The following ZFPM1 variants were observed in gnomAD, a reference collection of about 807,000 sequenced individuals.
ZFPM1 encodes zinc finger protein, FOG family member 1, also known as zinc finger protein ZFPM1.
In ZFPM1, 28 loss-of-function variants were observed where a neutral mutation model predicts 46.3. The ratio of observed to expected loss-of-function variants is 0.60; its 90% CI spans 0.45 to 0.83. ZFPM1 has a LOEUF of 0.83. Ranked by LOEUF, ZFPM1 falls within the 40% of genes least tolerant of loss-of-function variation. ZFPM1 has a pLI of 0.00. For synonymous variants in ZFPM1, 957 were observed against 675.9 expected (o/e 1.42, Z -6.45); for missense variants, 1,878 against 1,432.4 (o/e 1.31, Z -5.02).
chr16:88,517,476 G>A (rs530598996), intron 4 of ZFPM1, among the ~76,000 whole-genome samples: 5 of 130,726 alleles, frequency 3.8e-5, no homozygotes, highest in South Asian at 5.4e-4. Flanking sequence ...GGATGGCTGG[G>A]TGGATGGATG....
intron 1 of ZFPM1, among the ~76,000 whole-genome samples, chr16:88,467,518 C>T (rs1908190050): frequency 6.6e-6 from 1 of 152,246 alleles, no homozygotes; most frequent in African/African-American, 2.4e-5. Context: ...AATGGGGTGC[C>T]AGTCGCCCTC....
At chr16:88,522,957 G>A (rs775758289) in intron 4 of ZFPM1, among the ~76,000 whole-genome samples, 2 of 152,084 alleles carry the variant, frequency 1.3e-5, no homozygotes, top group African/African-American at 2.4e-5. Context: ...TGTAATCCCA[G>A]CACTTTGGGA....
At chr16:88,516,312 T>C in intron 4 of ZFPM1, 1 of 398,020 alleles carries the variant, frequency 2.5e-6, no homozygotes. Flanking sequence ...CACCCCTCCC[T>C]GTCCGCCTGC....
intron 3 of ZFPM1, among the ~76,000 whole-genome samples, chr16:88,499,617 C>T (rs1041669794): frequency 3.9e-5 from 6 of 152,248 alleles, no homozygotes; most frequent in African/African-American, 7.2e-5. Flanking sequence ...CTGGGTGGCC[C>T]CTGAATCCCG....
chr16:88,514,311 G>A, intron 3 of ZFPM1, 76 bp from the exon 4 acceptor site: 1 of 1,533,618 alleles, frequency 6.5e-7, no homozygotes, highest in Non-Finnish European at 8.8e-7. Flanking sequence ...ACTGCCCCTT[G>A]GGCCAACCCT....
chr16:88,484,562 C>A (rs190651424), intron 1 of ZFPM1, among the ~76,000 whole-genome samples: 2 of 152,224 alleles, frequency 1.3e-5, no homozygotes, highest in East Asian at 1.9e-4. Context: ...ACGGCCCCTC[C>A]CACTCCTGAG....
At position 88,497,800 on chromosome 16, in the gene ZFPM1, C is replaced by T. The variant is rs1314511486; in HGVS notation, c.268+8647C>T. On this transcript the variant is annotated intron_variant, in intron 3 of 9. Coordinates refer to ENST00000319555, the MANE Select transcript of ZFPM1 (RefSeq NM_153813.3). This position sits in a 1 kb window ranked among gnomAD's most constrained non-coding sequence, Gnocchi z 5.4. ...GGGCCCGCCCGAGGCTGGGAATCCT[C>T]ACCCGAGTGTGTGAGGGCGTCGGGC... Among the ~76,000 whole-genome samples, 1 of 152,186 alleles carries T rather than the reference C, an allele frequency of 6.6e-6. No individual in the cohort carries two copies. Among genetic ancestry groups the T allele is most frequent in the Non-Finnish European group, 1.5e-5 (1 of 68,030 alleles).
chr16:88,485,846 G>A lies in ZFPM1; in HGVS notation c.41-93G>A, dbSNP rs1267939771. The A allele has an allele frequency of 4.1e-6, 5 of 1,215,588 alleles. No homozygotes were observed. In the Admixed American group the frequency reaches 9.8e-5, roughly 24 times the overall value. 75.3% of individuals were successfully genotyped at this position (1,215,588 alleles called of 1,614,324 possible). A position where few individuals can be genotyped will look rare whatever the true frequency, so the allele number is the denominator to read the frequency against. On this transcript the variant is annotated intron_variant, in intron 1 of 9. Coordinates refer to ENST00000319555, the MANE Select transcript of ZFPM1 (RefSeq NM_153813.3). ...CCCCACCCATTGCCATTTCCGCCTG[G>A]GCACCGGGGCTGTACCTATGCCAGG...
rs1282071718 is a variant in ZFPM1 at position 88,471,353 on chromosome 16, C to A, written c.41-14586C>A. On this transcript the variant is annotated intron_variant, in intron 1 of 9. Coordinates refer to ENST00000319555, the MANE Select transcript of ZFPM1 (RefSeq NM_153813.3). This position sits in a 1 kb window ranked among gnomAD's most constrained non-coding sequence, Gnocchi z 4.1. The stretch of plus-strand genomic sequence containing the variant: ...GGCTCTGAGATGACTGTGTCCGTGG[C>A]GGCTCCCGCTCACAGTTCAGGACCC... 6.6e-6 allele frequency among the ~76,000 whole-genome samples: 1 copy of A among 152,220 alleles called. No homozygotes were observed. The highest frequency in any genetic ancestry group is 1.5e-5 in the Non-Finnish European group (1 of 68,034).
At chr16:88,487,417 G>A (rs1233728369) in intron 2 of ZFPM1, among the ~76,000 whole-genome samples, 1 of 152,226 alleles carries the variant, frequency 6.6e-6, no homozygotes, top group Non-Finnish European at 1.5e-5. Flanking sequence ...TTGGGAGGAT[G>A]CTAGGTGGGT....
At chr16:88,454,263 G>A (rs1907435027) in intron 1 of ZFPM1, among the ~76,000 whole-genome samples, 1 of 152,196 alleles carries the variant, frequency 6.6e-6, no homozygotes, top group Non-Finnish European at 1.5e-5. Flanking sequence ...CGCAGGACAG[G>A]GGAGGGGGTA....
chr16:88,520,571 T>A (rs1246370327), intron 4 of ZFPM1, among the ~76,000 whole-genome samples: 1 of 121,580 alleles, frequency 8.2e-6, no homozygotes, highest in African/African-American at 3.9e-5. Flanking sequence ...GATGGATGGA[T>A]GGATGGATGG....
At chr16:88,463,051 T>C (rs1282208735) in intron 1 of ZFPM1, among the ~76,000 whole-genome samples, 1 of 152,174 alleles carries the variant, frequency 6.6e-6, no homozygotes, top group Non-Finnish European at 1.5e-5. Context: ...TCCCACTTCC[T>C]TCTGGGCACC....
intron 7 of ZFPM1, 56 bp downstream of exon 7, chr16:88,532,291 T>C: frequency 6.7e-7 from 1 of 1,488,308 alleles, no homozygotes; most frequent in South Asian, 1.3e-5. Flanking sequence ...CCCCACCCAG[T>C]CCCGCAGGCC....
chr16:88,527,475 G>A (rs1226022857), intron 5 of ZFPM1, among the ~76,000 whole-genome samples: 1 of 152,160 alleles, frequency 6.6e-6, no homozygotes, highest in Non-Finnish European at 1.5e-5. Context: ...CTGGCCAGTG[G>A]AGTCCCTGGC....
intron 3 of ZFPM1, among the ~76,000 whole-genome samples, chr16:88,501,182 G>A (rs1487053761): frequency 0.022 from 1,302 of 60,462 alleles, 65 homozygotes; most frequent in Non-Finnish European, 0.031. Flanking sequence ...ACATGGGTGC[G>A]GGGGCCCTCC....
At chr16:88,491,982 C>T (rs368751072) in intron 3 of ZFPM1, among the ~76,000 whole-genome samples, 1 of 152,156 alleles carries the variant, frequency 6.6e-6, no homozygotes, top group African/African-American at 2.4e-5. Context: ...GTCCAGTGGC[C>T]AGGGCACAAT....
intron 4 of ZFPM1, among the ~76,000 whole-genome samples, chr16:88,517,940 G>C (rs1911459148): frequency 6.6e-6 from 1 of 152,162 alleles, no homozygotes; most frequent in Admixed American, 6.5e-5. Context: ...GCCAGGCGCA[G>C]TGGCTCATGC....
At chr16:88,532,988 G>T in intron 9 of ZFPM1, 53 bp downstream of exon 9, 2 of 1,605,788 alleles carry the variant, frequency 1.2e-6, no homozygotes, top group South Asian at 1.1e-5. Flanking sequence ...TGAGCAGTGG[G>T]AAGGGAGTGG....
Sources: allele counts gnomAD v4.1 joint callset (sites outside exome capture counted in the v4.1 genomes callset), GRCh38; gene constraint gnomAD v4.1.1; non-coding constraint Gnocchi (gnomAD v3.1); transcripts MANE v1.5; gene names NCBI Gene and HGNC (gene_info 2026-07-23, HGNC 2026-07-21).